The following TLK2 variants were observed in gnomAD, a reference collection of about 807,000 sequenced individuals.
The protein encoded by TLK2 is tousled like kinase 2, also known as serine/threonine-protein kinase tousled-like 2.
TLK2 carries 6 observed loss-of-function variants against 117.3 expected under a neutral mutation model. That is an observed-to-expected ratio of 0.05 (90% CI 0.03 to 0.10). The LOEUF is 0.10. TLK2 is among the 10% of genes least tolerant of loss of function. The pLI, the probability that TLK2 is intolerant of heterozygous loss-of-function variation, is 1.00. For synonymous variants in TLK2, 257 were observed against 316.7 expected (o/e 0.81, Z 2.00); for missense variants, 299 against 901.2 (o/e 0.33, Z 8.56).
chr17:62,517,431 G>C (rs1222180283), intron 2 of TLK2, among the ~76,000 whole-genome samples: 2 of 152,052 alleles, frequency 1.3e-5, no homozygotes, highest in Admixed American at 1.3e-4. Flanking sequence ...GTCTCGCTCT[G>C]TTGCCCAGGC....
intron 6 of TLK2, among the ~76,000 whole-genome samples, chr17:62,534,938 G>C: frequency 7.4e-6 from 1 of 136,052 alleles, no homozygotes; most frequent in Admixed American, 8.7e-5. Flanking sequence ...ACCCAGGCTG[G>C]AGTGCAGTGG....
At chr17:62,595,545 T>G (rs2082413022) in intron 16 of TLK2, among the ~76,000 whole-genome samples, 1 of 151,894 alleles carries the variant, frequency 6.6e-6, no homozygotes, top group Non-Finnish European at 1.5e-5. Flanking sequence ...ATAGGAATTT[T>G]TCACCTCTGT....
chr17:62,596,898 A>C (rs1369097574), intron 17 of TLK2, among the ~76,000 whole-genome samples: 2 of 152,254 alleles, frequency 1.3e-5, no homozygotes. Context: ...CCAGCTTGGT[A>C]TGAAGAGAGA....
At chr17:62,608,205 C>G in intron 21 of TLK2, 57 bp downstream of exon 21, 1 of 1,410,152 alleles carries the variant, frequency 7.1e-7, no homozygotes, top group African/African-American at 1.4e-5. Flanking sequence ...TTCTGTATTA[C>G]TTTTTTGGGT....
At chr17:62,559,141 G>A (rs1278591814) in intron 9 of TLK2, among the ~76,000 whole-genome samples, 1 of 152,152 alleles carries the variant, frequency 6.6e-6, no homozygotes, top group Admixed American at 6.5e-5. Flanking sequence ...TCTGACCACA[G>A]CTAAATTAGC....
chr17:62,472,423 C>T (rs2070959886), intron 1 of TLK2, among the ~76,000 whole-genome samples: 1 of 152,010 alleles, frequency 6.6e-6, no homozygotes. Context: ...CCTGGCTCTA[C>T]TTGCAGTGCC....
intron 2 of TLK2, among the ~76,000 whole-genome samples, chr17:62,503,061 T>A (rs1462016289): frequency 1.4e-5 from 2 of 143,560 alleles, no homozygotes; most frequent in Non-Finnish European, 3.0e-5. Context: ...ACTTTTTTTT[T>A]TTTTTTTTTT....
At chr17:62,611,308 G>A (rs563413091) in intron 21 of TLK2, among the ~76,000 whole-genome samples, 6 of 152,252 alleles carry the variant, frequency 3.9e-5, no homozygotes, top group South Asian at 2.1e-4. Context: ...GCCAGTACCT[G>A]TAAGTCTTTA....
At chr17:62,559,876 G>T in intron 9 of TLK2, 140 bp from the exon 10 acceptor site, 1 of 489,968 alleles carries the variant, frequency 2.0e-6, no homozygotes, top group Non-Finnish European at 3.7e-6. Context: ...CTAAGACATA[G>T]TTACTTCTTA....
chr17:62,477,641 G>C (rs148295311), upstream of TLK2: 1,022 of 152,340 alleles, frequency 6.7e-3, 8 homozygotes, highest in Non-Finnish European at 0.011. Flanking sequence ...TTTGCTTGTA[G>C]TCCTTAAAGT....
intron 10 of TLK2, among the ~76,000 whole-genome samples, chr17:62,560,849 T>C (rs1189190856): frequency 6.6e-6 from 1 of 151,994 alleles, no homozygotes; most frequent in Non-Finnish European, 1.5e-5. Context: ...AATTATACTT[T>C]AAGTTTTAGG....
At chr17:62,506,483 C>A (rs1477666786) in intron 2 of TLK2, among the ~76,000 whole-genome samples, 1 of 152,162 alleles carries the variant, frequency 6.6e-6, no homozygotes, top group African/African-American at 2.4e-5. Flanking sequence ...TTTTGTTATA[C>A]AGTTTCTGCT....
intron 1 of TLK2, among the ~76,000 whole-genome samples, chr17:62,472,721 G>A (rs183032883): frequency 9.3e-5 from 14 of 150,336 alleles, no homozygotes. Context: ...CTAGGCGACG[G>A]AGCAAGACCC....
chr17:62,482,946 C>T lies in TLK2; in HGVS notation c.81+1740C>T, dbSNP rs570211755. 3.9e-5 allele frequency among the ~76,000 whole-genome samples: 6 copies of T among 152,256 alleles called. No individual in the cohort carries two copies. In the East Asian group the frequency reaches 1.2e-3, roughly 29 times the overall value. ...GGGAACACAGGATTTGTTACATATT[C>T]TTAATTTCTTTGGCCACTTAAACAG... On this transcript the variant is annotated intron_variant, in intron 2 of 21. Transcript: ENST00000346027.
chr17:62,565,161 T>C (rs772168500), intron 11 of TLK2, 24 bp downstream of exon 11: 9 of 1,589,670 alleles, frequency 5.7e-6, no homozygotes, highest in South Asian at 1.2e-5. Context: ...TATGATTAAA[T>C]GGAGAATTGA....
rs761786685 is a variant in TLK2 at position 62,600,648 on chromosome 17, T to C, written c.1551-3T>C. ...GGTTAAATATTGGTTTATTTGTCTT[T>C]AGGTTTTGTACAGTATTAGAATACT... On this transcript the variant is annotated splice_region_variant and splice_polypyrimidine_tract_variant and intron_variant, in intron 17 of 21. Transcript: ENST00000346027. 1 of 1,590,540 alleles carries C rather than the reference T, an allele frequency of 6.3e-7. No homozygotes were observed. Among genetic ancestry groups the C allele is most frequent in the South Asian group, 1.2e-5 (1 of 86,826 alleles).
At position 62,578,505 on chromosome 17, in the gene TLK2, A is replaced by T. The variant is rs2080981292; in HGVS notation, c.1217A>T (p.Glu406Val). 1 of 1,613,856 alleles carries T rather than the reference A, an allele frequency of 6.2e-7. No homozygotes were observed. Among genetic ancestry groups the T allele is most frequent in the Non-Finnish European group, 8.5e-7 (1 of 1,179,940 alleles). Residue 406 changes from glutamate to valine, a missense_variant, in exon 14 of 22, where the codon GAG (glutamate) becomes GTG (valine). This residue lies in a region of TLK2 where 94 missense variants were observed against 282.6 expected (regional missense o/e 0.33). Coordinates refer to ENST00000346027, the MANE Select transcript of TLK2 (RefSeq NM_006852.6). ...KEEAEIQAEL[E>V]RLERVRNLHI... ...GAAGCAGAGATCCAGGCAGAGCTGG[A>T]GAGACTAGAAAGGGTTAGAAATCTA... is the stretch of plus-strand genomic sequence containing the variant.
At chr17:62,571,896 G>A (rs962376269) in intron 11 of TLK2, among the ~76,000 whole-genome samples, 7 of 151,952 alleles carry the variant, frequency 4.6e-5, no homozygotes, top group African/African-American at 7.2e-5. Context: ...TGCCGGGCAC[G>A]GTGGCTCATG....
rs139940854 is a variant in TLK2, at chr17:62,507,507, C to T, written c.82-13266C>T. 269 of 152,082 alleles carry T rather than the reference C, an allele frequency of 1.8e-3. 1 individual carries two copies. Among genetic ancestry groups the T allele is most frequent in the African/African-American group, 6.1e-3 (254 of 41,492 alleles). 9.4% of individuals were successfully genotyped at this position (152,082 alleles called of 1,614,324 possible). ...AGAGACCTTTAGTTTTTTTAAATGG[C>T]GTTATCTTCTTTACTGGAGTATGGG... On this transcript the variant is annotated intron_variant, in intron 2 of 21. Transcript: ENST00000346027.
Sources: allele counts gnomAD v4.1 joint callset (sites outside exome capture counted in the v4.1 genomes callset), GRCh38; gene constraint gnomAD v4.1.1; regional missense constraint gnomAD v4.1.1; transcripts MANE v1.5; gene names NCBI Gene and HGNC (gene_info 2026-07-23, HGNC 2026-07-21).